Variants in ARL8B observed in about 807,000 individuals in gnomAD.
ARL8B encodes the protein ADP-ribosylation factor-like protein 8B.
A neutral mutation model predicts 30.6 loss-of-function variants in ARL8B; 9 were observed. That is an observed-to-expected ratio of 0.29 (90% CI 0.18 to 0.51). ARL8B has a LOEUF of 0.51. ARL8B is among the 20% of genes least tolerant of loss of function. The pLI is 0.97. For missense variants in ARL8B, 130 were observed against 227.2 expected (o/e 0.57, Z 2.75); for synonymous variants, 74 against 76.0 (o/e 0.97, Z 0.14).
intron 6 of ARL8B, among the ~76,000 whole-genome samples, chr3:5,175,500 A>G (rs768305012): frequency 6.6e-6 from 1 of 152,232 alleles, no homozygotes; most frequent in Non-Finnish European, 1.5e-5. Context: ...TTGAACCAGT[A>G]TATTACTGCA....
intron 1 of ARL8B, among the ~76,000 whole-genome samples, chr3:5,127,607 G>T (rs1015171862): frequency 6.6e-6 from 1 of 152,064 alleles, no homozygotes; most frequent in African/African-American, 2.4e-5. Context: ...TTAAATAACT[G>T]GCTAACAGGC....
intron 1 of ARL8B, among the ~76,000 whole-genome samples, chr3:5,167,766 A>C (rs2054636348): frequency 6.6e-6 from 1 of 152,220 alleles, no homozygotes; most frequent in South Asian, 2.1e-4. Context: ...AAATAAGTAG[A>C]ATGATATACT....
At chr3:5,148,670 G>C (rs144211522) in intron 1 of ARL8B, among the ~76,000 whole-genome samples, 1 of 152,128 alleles carries the variant, frequency 6.6e-6, no homozygotes, top group Non-Finnish European at 1.5e-5. Flanking sequence ...TGAGGATGGA[G>C]TTTTATCATT....
intron 1 of ARL8B, 29 bp downstream of exon 1, chr3:5,122,617 G>A: frequency 6.3e-7 from 1 of 1,580,588 alleles, no homozygotes; most frequent in African/African-American, 1.4e-5. Context: ...ACTCGCCCGG[G>A]GCTCCGCAGC....
At chr3:5,129,179 T>TG (rs1182100275) in intron 1 of ARL8B, among the ~76,000 whole-genome samples, 15 of 141,148 alleles carry the variant, frequency 1.1e-4, no homozygotes, top group African/African-American at 4.3e-4. Context: ...TTGTTTTTTG[T>TG]TTTTTGTTTT....
intron 1 of ARL8B, among the ~76,000 whole-genome samples, chr3:5,138,030 A>AT (rs773163715): frequency 1.3e-3 from 165 of 131,944 alleles, no homozygotes; most frequent in Middle Eastern, 3.9e-3. Flanking sequence ...GTTGTTGGGG[A>AT]TTTTTTTTTT....
intron 1 of ARL8B, among the ~76,000 whole-genome samples, chr3:5,141,167 C>T (rs559712983): frequency 3.9e-5 from 6 of 152,196 alleles, no homozygotes; most frequent in Non-Finnish European, 8.8e-5. Flanking sequence ...ACATTCTGTT[C>T]ACTTATCATG....
At chr3:5,149,089 C>T (rs544954593) in intron 1 of ARL8B, among the ~76,000 whole-genome samples, 1 of 152,346 alleles carries the variant, frequency 6.6e-6, no homozygotes, top group Admixed American at 6.5e-5. Context: ...GGACTCCGCA[C>T]TTGCTTCATA....
chr3:5,127,901 A>AAAAAAG (rs1559274157), intron 1 of ARL8B, among the ~76,000 whole-genome samples: 1 of 144,172 alleles, frequency 6.9e-6, no homozygotes, highest in Non-Finnish European at 1.5e-5. Context: ...AAAAAAAAAA[A>AAAAAAG]GCGGAGGGCC....
chr3:5,123,052 T>A (rs971828967), intron 1 of ARL8B, among the ~76,000 whole-genome samples: 1 of 152,126 alleles, frequency 6.6e-6, no homozygotes, highest in Non-Finnish European at 1.5e-5. Flanking sequence ...TTTGGACCAA[T>A]AGACCCATTG....
At position 5,122,600 on chromosome 3, in the gene ARL8B, C is replaced by A. The variant is rs763102911; in HGVS notation, c.123+12C>A. On this transcript the variant is annotated intron_variant, in intron 1 of 6. Transcript: ENST00000256496. The stretch of plus-strand genomic sequence containing the variant: ...TCAATGTCATCGCGGTGAGCGCCCG[C>A]CCACTCACTCGCCCGGGGCTCCGCA... 5 of 1,593,364 alleles carry A rather than the reference C, an allele frequency of 3.1e-6. No individual in the cohort carries two copies. The Admixed American group carries it at 8.5e-5, about 27-fold the overall frequency.
intron 1 of ARL8B, among the ~76,000 whole-genome samples, chr3:5,146,895 G>C (rs1035157025): frequency 6.6e-6 from 1 of 152,092 alleles, no homozygotes; most frequent in Non-Finnish European, 1.5e-5. Flanking sequence ...AACCAAAAAT[G>C]TCCCTTCTTT....
At chr3:5,128,255 A>T (rs2054250322) in intron 1 of ARL8B, among the ~76,000 whole-genome samples, 1 of 151,990 alleles carries the variant, frequency 6.6e-6, no homozygotes, top group Non-Finnish European at 1.5e-5. Context: ...GGCAAAAACC[A>T]TTTTTAAAGA....
intron 1 of ARL8B, among the ~76,000 whole-genome samples, chr3:5,137,769 T>G (rs1485932522): frequency 2.0e-5 from 3 of 152,080 alleles, no homozygotes; most frequent in Admixed American, 2.0e-4. Flanking sequence ...TTTTTATTTT[T>G]TGTGGCGACA....
At chr3:5,130,173 T>C (rs2054269680) in intron 1 of ARL8B, among the ~76,000 whole-genome samples, 1 of 148,418 alleles carries the variant, frequency 6.7e-6, no homozygotes, top group Non-Finnish European at 1.5e-5. Flanking sequence ...CAAGGTCATA[T>C]TCTCTTAAAA....
chr3:5,135,528 G>T (rs990941377), intron 1 of ARL8B, among the ~76,000 whole-genome samples: 3 of 151,118 alleles, frequency 2.0e-5, no homozygotes, highest in Non-Finnish European at 4.4e-5. Flanking sequence ...GTGCCATCTC[G>T]GCTTACTGCA....
chr3:5,129,279 A>G (rs2054260572), intron 1 of ARL8B, among the ~76,000 whole-genome samples: 1 of 151,890 alleles, frequency 6.6e-6, no homozygotes, highest in Admixed American at 6.6e-5. Context: ...GGTTCAAGCA[A>G]TTCTCCTGCC....
At chr3:5,177,187 C>T (rs1404577172) in intron 6 of ARL8B, among the ~76,000 whole-genome samples, 1 of 152,074 alleles carries the variant, frequency 6.6e-6, no homozygotes, top group Non-Finnish European at 1.5e-5. Context: ...GGACTTCTTT[C>T]GCTATTTGAG....
At chr3:5,175,404 C>A (rs1458126533) in intron 6 of ARL8B, among the ~76,000 whole-genome samples, 9 of 152,092 alleles carry the variant, frequency 5.9e-5, no homozygotes, top group Admixed American at 5.2e-4. Context: ...GAGCTAGTAT[C>A]CCGCTGTGCT....
Sources: allele counts gnomAD v4.1 joint callset (sites outside exome capture counted in the v4.1 genomes callset), GRCh38; gene constraint gnomAD v4.1.1; transcripts MANE v1.5; gene names NCBI Gene and HGNC (gene_info 2026-07-23, HGNC 2026-07-21).